Variants in CD276 observed in about 807,000 individuals in gnomAD.
CD276 encodes CD276 antigen.
In CD276, 34 loss-of-function variants were observed where a neutral mutation model predicts 50.0. The ratio of observed to expected loss-of-function variants is 0.68; its 90% CI spans 0.52 to 0.91. The LOEUF is 0.91. Among genes scored for constraint, CD276 ranks in the 40% least tolerant of loss-of-function variants. The pLI, the probability that CD276 is intolerant of heterozygous loss-of-function variation, is 0.00. For synonymous variants in CD276, 275 were observed against 313.0 expected (o/e 0.88, Z 1.28); for missense variants, 634 against 717.5 (o/e 0.88, Z 1.33).
At chr15:73,700,006 C>T (rs1242832195) in intron 2 of CD276, among the ~76,000 whole-genome samples, 3 of 152,218 alleles carry the variant, frequency 2.0e-5, no homozygotes, top group African/African-American at 7.2e-5. Context: ...CTGCCTGGAA[C>T]TTTCTGCCCC....
intron 1 of CD276, 108 bp from the exon 2 acceptor site, chr15:73,699,478 C>T (rs1900292742): frequency 7.0e-7 from 1 of 1,422,012 alleles, no homozygotes; most frequent in Non-Finnish European, 9.5e-7. Context: ...ATGAGGACCT[C>T]CCAGTGGGCA....
intron 3 of CD276, 82 bp from the exon 4 acceptor site, chr15:73,702,690 T>C: frequency 1.3e-6 from 2 of 1,558,414 alleles, no homozygotes; most frequent in African/African-American, 1.4e-5. Flanking sequence ...ACCCCAGTGC[T>C]GATTCCTGTA....
intron 1 of CD276, among the ~76,000 whole-genome samples, chr15:73,685,997 G>A (rs1188282632): frequency 5.9e-5 from 9 of 152,158 alleles, no homozygotes; most frequent in Admixed American, 5.2e-4. Flanking sequence ...ACTGTTGACC[G>A]TGGAAATTTA....
At chr15:73,711,758 T>TA (rs1900911677) in intron 9 of CD276, 1 of 153,680 alleles carries the variant, frequency 6.5e-6, no homozygotes, top group Non-Finnish European at 1.5e-5. Flanking sequence ...GGCCTATTGT[T>TA]ATAATGTCAG....
chr15:73,698,476 T>C (rs7182876), intron 1 of CD276, among the ~76,000 whole-genome samples: 29,218 of 152,128 alleles, frequency 0.19, 3,895 homozygotes, highest in African/African-American at 0.38. Context: ...CTGTCACTTT[T>C]ACCCAGACAT....
rs544343568 is a variant in CD276 at position 73,707,894 on chromosome 15, G to C, written c.1370-445G>C. Among the ~76,000 whole-genome samples the C allele has an allele frequency of 3.3e-5, 5 of 152,344 alleles. No individual in the cohort carries two copies. In the East Asian group the frequency reaches 9.7e-4, roughly 29 times the overall value. ...AAGCAGAGAATTTGGGAAACTGATA[G>C]CATTAGTGCAGAGGCTGGAAGGAGC... is the stretch of plus-strand genomic sequence containing the variant. On this transcript the variant is annotated intron_variant, in intron 6 of 9. Coordinates refer to ENST00000318443, the MANE Select transcript of CD276 (RefSeq NM_001024736.2).
At chr15:73,702,663 G>C (rs1900451079) in intron 3 of CD276, 70 bp downstream of exon 3, 6 of 1,556,602 alleles carry the variant, frequency 3.9e-6, no homozygotes, top group Non-Finnish European at 5.2e-6. Context: ...ACCCCCTGCT[G>C]CACCACTGCT....
At chr15:73,703,121 G>T (rs139330740) in intron 4 of CD276, 35 bp downstream of exon 4, 1 of 1,537,640 alleles carries the variant, frequency 6.5e-7, no homozygotes, top group African/African-American at 1.4e-5. Flanking sequence ...GGGGGAGGGG[G>T]GTTCTGCTTC....
In CD276 at chr15:73,713,546, GC is replaced by G. The variant is rs944641534; in HGVS notation, c.*591del. On this transcript the variant is annotated 3_prime_UTR_variant, in exon 10 of 10. Coordinates refer to ENST00000318443, the MANE Select transcript of CD276 (RefSeq NM_001024736.2). Reference sequence around the variant, plus strand: ...TTCCTTTCCCCTCCTTCCTCCTCTTGCTCTAGCCTTAATACTGGCCTTTTCC... The same window carrying G: ...TTCCTTTCCCCTCCTTCCTCCTCTTGTCTAGCCTTAATACTGGCCTTTTCC... 3.3e-6 allele frequency: 1 copy of G among 302,710 alleles called. No homozygotes were observed. Among genetic ancestry groups the G allele is most frequent in the African/African-American group, 2.3e-5 (1 of 42,800 alleles). 18.8% of individuals were successfully genotyped at this position (302,710 alleles called of 1,614,324 possible). A position where few individuals can be genotyped will look rare whatever the true frequency, so the allele number is the denominator to read the frequency against.
chr15:73,707,174 C>T (rs1201153057), intron 6 of CD276, among the ~76,000 whole-genome samples: 4 of 152,238 alleles, frequency 2.6e-5, no homozygotes, highest in Non-Finnish European at 4.4e-5. Flanking sequence ...CCAAAGGGTC[C>T]ATAGCACCGC....
chr15:73,703,157 A>C, intron 4 of CD276, 71 bp downstream of exon 4: 2 of 1,485,100 alleles, frequency 1.3e-6, no homozygotes, highest in Non-Finnish European at 1.8e-6. Flanking sequence ...GGAGCTCCGA[A>C]TCTGGCCCCA....
intron 1 of CD276, among the ~76,000 whole-genome samples, chr15:73,685,453 T>TTGTGTGTGTGTG (rs55859831): frequency 1.7e-4 from 23 of 131,924 alleles, no homozygotes; most frequent in South Asian, 8.3e-4. Context: ...CAAAAAAGAT[T>TTGTGTGTGTGTG]TGTGTGTGTG....
At position 73,708,430 on chromosome 15, in the gene CD276, G is replaced by A. The variant is rs770846226; in HGVS notation, c.1461G>A (p.Val487=). The A allele has an allele frequency of 1.2e-6, 2 of 1,613,940 alleles. No homozygotes were observed. The highest frequency in any genetic ancestry group is 1.7e-5 in the Admixed American group (1 of 59,996). The stretch of plus-strand genomic sequence containing the variant: ...CACTGCTGGTGGCCCTGGCTTTCGT[G>A]TGCTGGAGAAAGATCAAACAGAGCT... ...LIALLVALAF[V]CWRKIKQSCE... The change falls in exon 7 of 10, where the codon GTG becomes GTA. Residue 487 remains valine, a synonymous_variant. Coordinates refer to ENST00000318443, the MANE Select transcript of CD276 (RefSeq NM_001024736.2).
chr15:73,700,004 A>G (rs1179470514), intron 2 of CD276, among the ~76,000 whole-genome samples: 1 of 152,116 alleles, frequency 6.6e-6, no homozygotes, highest in African/African-American at 2.4e-5. Context: ...CTCTGCCTGG[A>G]ACTTTCTGCC....
intron 9 of CD276, among the ~76,000 whole-genome samples, 190 bp from the exon 10 acceptor site, chr15:73,712,744 A>C (rs989352962): frequency 2.6e-5 from 4 of 152,088 alleles, no homozygotes; most frequent in Admixed American, 6.5e-5. Flanking sequence ...CGTGCCTGGC[A>C]CCTGCATCTG....
rs746555050 is a variant in CD276 at position 73,702,574 on chromosome 15, C to T, written c.399C>T (p.Ala133=). The part of the protein sequence containing the change: ...FVSIRDFGSA[A]VSLQVAAPYS... Reference sequence around the variant, plus strand: ...GCATCCGGGATTTCGGCAGCGCTGCCGTCAGCCTGCAGGTGGCCGGTGAGC... The same window carrying T: ...GCATCCGGGATTTCGGCAGCGCTGCTGTCAGCCTGCAGGTGGCCGGTGAGC... Residue 133 remains alanine (A), a synonymous_variant, in exon 3 of 10, where the codon GCC becomes GCT. Transcript: ENST00000318443. The T allele has an allele frequency of 1.1e-5, 18 of 1,608,406 alleles. No individual in the cohort carries two copies. The highest frequency in any genetic ancestry group is 4.0e-5 in the African/African-American group (3 of 75,022).
intron 9 of CD276, 193 bp downstream of exon 9, chr15:73,711,363 A>G: frequency 1.7e-6 from 1 of 603,856 alleles, no homozygotes; most frequent in Non-Finnish European, 3.0e-6. Flanking sequence ...ATGGGACCCA[A>G]ATACGACAGA....
At chr15:73,689,972 T>C (rs1899926027) in intron 1 of CD276, among the ~76,000 whole-genome samples, 1 of 152,196 alleles carries the variant, frequency 6.6e-6, no homozygotes, top group Non-Finnish European at 1.5e-5. Context: ...TTTTCCTTTT[T>C]TCGTTAATTG....
At chr15:73,695,200 A>G (rs1179467668) in intron 1 of CD276, among the ~76,000 whole-genome samples, 1 of 152,174 alleles carries the variant, frequency 6.6e-6, no homozygotes, top group Non-Finnish European at 1.5e-5. Context: ...ATAGGTAGGA[A>G]CACTGAGCTC....
Sources: allele counts gnomAD v4.1 joint callset (sites outside exome capture counted in the v4.1 genomes callset), GRCh38; gene constraint gnomAD v4.1.1; transcripts MANE v1.5; gene names NCBI Gene and HGNC (gene_info 2026-07-23, HGNC 2026-07-21).